Variants in KDM4C observed in about 807,000 individuals in gnomAD.
KDM4C encodes the protein lysine demethylase 4C.
Under a neutral mutation model 129.3 loss-of-function variants are expected in KDM4C, and 81 were observed. That is an observed-to-expected ratio of 0.63 (90% CI 0.52 to 0.75). The LOEUF is 0.75. KDM4C is among the 30% of genes least tolerant of loss of function. The pLI, the probability that KDM4C is intolerant of heterozygous loss-of-function variation, is 0.00. For missense variants in KDM4C, 1,457 were observed against 1,304.0 expected (o/e 1.12, Z -1.81); for synonymous variants, 573 against 456.1 (o/e 1.26, Z -3.26).
intron 6 of KDM4C, among the ~76,000 whole-genome samples, chr9:6,885,188 C>T (rs966910673): frequency 1.3e-4 from 20 of 152,246 alleles, no homozygotes; most frequent in Non-Finnish European, 2.6e-4. Context: ...TAACCACTCT[C>T]CCCTTCCCTG....
intron 4 of KDM4C, among the ~76,000 whole-genome samples, chr9:6,836,476 T>C (rs1268861027): frequency 6.6e-6 from 1 of 152,174 alleles, no homozygotes; most frequent in Non-Finnish European, 1.5e-5. Context: ...TATCCCAAAC[T>C]CACCATGCAG....
chr9:6,881,150 C>T (rs1424466949), intron 6 of KDM4C, among the ~76,000 whole-genome samples: 2 of 152,140 alleles, frequency 1.3e-5, no homozygotes, highest in African/African-American at 2.4e-5. Flanking sequence ...CACTGAGAAA[C>T]CTCATTGCTT....
intron 2 of KDM4C, among the ~76,000 whole-genome samples, chr9:6,798,185 C>T (rs187699067): frequency 6.6e-6 from 1 of 151,756 alleles, no homozygotes; most frequent in East Asian, 1.9e-4. Context: ...TATTGTGTGC[C>T]TTGCTTCTCT....
chr9:6,833,452 C>G (rs1295523632), intron 4 of KDM4C, among the ~76,000 whole-genome samples: 2 of 152,132 alleles, frequency 1.3e-5, no homozygotes, highest in Non-Finnish European at 1.5e-5. Context: ...AGTTGACTTA[C>G]TGGTTTATCG....
At chr9:6,942,095 C>T (rs3818892) in intron 8 of KDM4C, among the ~76,000 whole-genome samples, 39,449 of 152,030 alleles carry the variant, frequency 0.26, 5,575 homozygotes, top group South Asian at 0.42. Context: ...AGAGCGTATA[C>T]TTTCATCTTT....
rs527776913 is a variant in KDM4C, at chr9:7,040,369, C to CTGTGTGTG, written c.2260-6464_2260-6457dup. Among the ~76,000 whole-genome samples the CTGTGTGTG allele has an allele frequency of 1.6e-3, 156 of 100,378 alleles. 1 individual carries two copies. The highest frequency in any genetic ancestry group is 4.8e-3 in the African/African-American group (147 of 30,776). 65.9% of individuals were successfully genotyped at this position (100,378 alleles called of 152,430 possible). ...TCTTTCCCTCTCTCTCTACCCCACT[C>CTGTGTGTG]TGTGTGTGTGTGTGTGTGTGTGTGT... On this transcript the variant is annotated intron_variant, in intron 15 of 21. Coordinates refer to ENST00000381309, the MANE Select transcript of KDM4C (RefSeq NM_015061.6).
At chr9:6,834,142 G>A (rs886950551) in intron 4 of KDM4C, among the ~76,000 whole-genome samples, 1 of 148,422 alleles carries the variant, frequency 6.7e-6, no homozygotes, top group South Asian at 2.1e-4. Flanking sequence ...GGGTTCAAGC[G>A]GTTCTGGTGC....
At chr9:6,782,307 C>T (rs1407563778) in intron 1 of KDM4C, among the ~76,000 whole-genome samples, 1 of 152,120 alleles carries the variant, frequency 6.6e-6, no homozygotes, top group East Asian at 1.9e-4. Context: ...TGAGTTTTGC[C>T]AGATAGGCAC....
At chr9:6,949,247 G>A (rs1293170042) in intron 8 of KDM4C, among the ~76,000 whole-genome samples, 50 of 151,866 alleles carry the variant, frequency 3.3e-4, no homozygotes, top group Non-Finnish European at 5.9e-4. Flanking sequence ...CCTCCCAGAC[G>A]GGGTTGCGGC....
intron 11 of KDM4C, among the ~76,000 whole-genome samples, chr9:6,989,524 T>C (rs889988995): frequency 1.4e-4 from 21 of 152,172 alleles, no homozygotes; most frequent in African/African-American, 4.8e-4. Flanking sequence ...AAAAAATCAT[T>C]GGTAAAATTT....
intron 17 of KDM4C, among the ~76,000 whole-genome samples, chr9:7,052,985 T>A (rs1025858128): frequency 4.7e-5 from 7 of 149,090 alleles, no homozygotes; most frequent in Non-Finnish European, 7.4e-5. Context: ...AAAGGACAGT[T>A]TTTTAGTTTA....
rs190177511 is a variant in KDM4C at position 6,797,991 on chromosome 9, A to G, written c.144+4859A>G. ...TAAAGATTTAACTTTGGAATCTTTT[A>G]AAGATCTCAGTATGTTGTGTTTCCC... On this transcript the variant is annotated intron_variant, in intron 2 of 21. Coordinates refer to ENST00000381309, the MANE Select transcript of KDM4C (RefSeq NM_015061.6). Among the ~76,000 whole-genome samples, 5 of 152,342 alleles carry G rather than the reference A, an allele frequency of 3.3e-5. No homozygotes were observed. The East Asian group carries it at 9.6e-4, about 29-fold the overall frequency.
At chr9:6,874,309 A>T (rs946091195) in intron 5 of KDM4C, among the ~76,000 whole-genome samples, 1 of 152,208 alleles carries the variant, frequency 6.6e-6, no homozygotes, top group Admixed American at 6.5e-5. Context: ...TACTATGTTA[A>T]ACAACAATTA....
intron 20 of KDM4C, among the ~76,000 whole-genome samples, chr9:7,166,977 A>G (rs1844454672): frequency 6.6e-6 from 1 of 152,214 alleles, no homozygotes; most frequent in African/African-American, 2.4e-5. Flanking sequence ...CAACTTCACC[A>G]TCAAATAAAC....
chr9:7,010,253 G>A (rs1233313712), intron 12 of KDM4C, among the ~76,000 whole-genome samples: 2 of 152,060 alleles, frequency 1.3e-5, no homozygotes, highest in African/African-American at 4.8e-5. Context: ...CTTATCTTTT[G>A]TTTTCAAATA....
chr9:6,856,305 G>A, intron 5 of KDM4C, among the ~76,000 whole-genome samples: 1 of 152,050 alleles, frequency 6.6e-6, no homozygotes, highest in Non-Finnish European at 1.5e-5. Flanking sequence ...CCAGTAATAT[G>A]TTCTAATTTC....
intron 1 of KDM4C, among the ~76,000 whole-genome samples, chr9:6,781,572 A>G (rs1248207302): frequency 6.6e-6 from 1 of 152,154 alleles, no homozygotes; most frequent in Non-Finnish European, 1.5e-5. Flanking sequence ...GCACTTCAGC[A>G]TTATGCTTGG....
chr9:6,828,011 C>T (rs1834168952), intron 4 of KDM4C, among the ~76,000 whole-genome samples: 1 of 152,112 alleles, frequency 6.6e-6, no homozygotes. Context: ...AGGGGTGTTG[C>T]CAGAGCAGCA....
intron 17 of KDM4C, among the ~76,000 whole-genome samples, chr9:7,075,796 A>C (rs998290044): frequency 2.0e-5 from 3 of 151,954 alleles, no homozygotes; most frequent in Non-Finnish European, 4.4e-5. Context: ...CATACTCTTT[A>C]ATCATTCTGA....
Sources: gnomAD v4.1 joint callset for allele counts (sites outside exome capture counted in the v4.1 genomes callset) on GRCh38, gnomAD v4.1.1 for gene constraint, MANE v1.5 for transcripts, NCBI Gene and HGNC (gene_info 2026-07-23, HGNC 2026-07-21) for gene names.